Variants in SRR observed in about 807,000 individuals in gnomAD.
SRR encodes the protein D-serine ammonia-lyase.
A neutral mutation model predicts 32.7 loss-of-function variants in SRR; 19 were observed. The observed-to-expected ratio is 0.58, with a 90% CI of 0.40 to 0.85. The LOEUF (loss-of-function observed/expected upper bound fraction) is 0.85. Ranked by LOEUF, SRR falls within the 40% of genes least tolerant of loss-of-function variation. The probability of loss-of-function intolerance (pLI) is 0.00; values close to 1 mark genes in which losing one functional copy is unlikely to be tolerated. For synonymous variants in SRR, 142 were observed against 140.9 expected, an observed-to-expected ratio of 1.01 and a Z score of -0.06; for missense variants, 373 against 404.7, an observed-to-expected ratio of 0.92 and a Z score of 0.67.
intron 3 of SRR, among the ~76,000 whole-genome samples, 193 bp from the exon 4 acceptor site, chr17:2,318,619 ATTTTTTTTTTTTTT>A (rs35847724): frequency 1.1e-5 from 1 of 92,550 alleles, no homozygotes; most frequent in South Asian, 4.1e-4. Flanking sequence ...ATGCCTGGCT[ATTTTTTTTTTTTTT>A]TTTTTTTTTT....
chr17:2,315,046 A>G (rs984036293), intron 1 of SRR, among the ~76,000 whole-genome samples: 15 of 151,836 alleles, frequency 9.9e-5, no homozygotes, highest in Non-Finnish European at 1.5e-5. Context: ...GTTCAAGACC[A>G]GCCTGGACAA....
chr17:2,324,730 A>C lies in SRR; in HGVS notation c.*857A>C. 6.2e-7 allele frequency: 1 copy of C among 1,614,220 alleles called. No individual in the cohort carries two copies. Among genetic ancestry groups the C allele is most frequent in the Non-Finnish European group, 8.5e-7 (1 of 1,180,030 alleles). ...GTAACGTACTACTGCCATCTTAGTA[A>C]AAATTTTGAAAGGATGACCACTCAG... On this transcript the variant is annotated 3_prime_UTR_variant, in exon 8 of 8. Coordinates refer to ENST00000344595, the MANE Select transcript of SRR (RefSeq NM_021947.3).
intron 1 of SRR, among the ~76,000 whole-genome samples, chr17:2,314,038 C>T (rs543994380): frequency 2.6e-5 from 4 of 152,266 alleles, no homozygotes; most frequent in African/African-American, 9.6e-5. Flanking sequence ...CTACAATAGA[C>T]ACAGTGGAAA....
chr17:2,308,046 T>C (rs1017075070), intron 1 of SRR, among the ~76,000 whole-genome samples: 3 of 149,718 alleles, frequency 2.0e-5, no homozygotes, highest in African/African-American at 7.4e-5. Flanking sequence ...TAAATGTCTT[T>C]TTAAAAAAAA....
chr17:2,317,723 A>T lies in SRR; in HGVS notation c.169-147A>T, dbSNP rs1215824790. On this transcript the variant is annotated intron_variant, in intron 2 of 7. Coordinates refer to ENST00000344595, the MANE Select transcript of SRR (RefSeq NM_021947.3). Reference sequence around the variant, plus strand: ...CATCTCAAAAAAATAAAAAATAAAGATGCACATGAGATATTTAAGAGGTAA... The same window carrying T: ...CATCTCAAAAAAATAAAAAATAAAGTTGCACATGAGATATTTAAGAGGTAA... 3.7e-6 allele frequency: 3 copies of T among 811,222 alleles called. No individual in the cohort carries two copies. In the Admixed American group the frequency reaches 8.9e-5, roughly 24 times the overall value. 50.3% of individuals were successfully genotyped at this position (811,222 alleles called of 1,614,324 possible). A position where few individuals can be genotyped will look rare whatever the true frequency, so the allele number is the denominator to read the frequency against.
chr17:2,310,019 C>G (rs989609348), intron 1 of SRR: 3 of 152,190 alleles, frequency 2.0e-5, no homozygotes, highest in Non-Finnish European at 4.4e-5. Context: ...GGGAAGCTGT[C>G]AAATCTCTGG....
intron 1 of SRR, among the ~76,000 whole-genome samples, chr17:2,304,916 A>G (rs1190136655): frequency 6.6e-6 from 1 of 152,140 alleles, no homozygotes; most frequent in Non-Finnish European, 1.5e-5. Context: ...GGAGAACTGT[A>G]CAGAGGTGAA....
intron 2 of SRR, among the ~76,000 whole-genome samples, chr17:2,317,206 GGA>G (rs1491492360): frequency 7.2e-5 from 8 of 111,856 alleles, no homozygotes; most frequent in African/African-American, 2.5e-4. Flanking sequence ...CCATCTCGGG[GGA>G]AAAAAAAAAA....
At chr17:2,311,197 T>C (rs2075431446) in intron 1 of SRR, among the ~76,000 whole-genome samples, 1 of 151,968 alleles carries the variant, frequency 6.6e-6, no homozygotes, top group Non-Finnish European at 1.5e-5. Flanking sequence ...CCAACTATTT[T>C]TTGTTCTCTT....
chr17:2,306,716 CAAAAAT>C, intron 1 of SRR: 2 of 538,392 alleles, frequency 3.7e-6, no homozygotes, highest in Non-Finnish European at 6.6e-6. Context: ...GACTCTGTCT[CAAAAAT>C]AAAACAAAAC....
chr17:2,305,426 A>G (rs2075380507), intron 1 of SRR, among the ~76,000 whole-genome samples: 1 of 152,226 alleles, frequency 6.6e-6, no homozygotes, highest in African/African-American at 2.4e-5. Context: ...ACCAGAACTC[A>G]GAAGGAAAAG....
chr17:2,306,798 G>A, intron 1 of SRR: 1 of 724,152 alleles, frequency 1.4e-6, no homozygotes, highest in Non-Finnish European at 2.5e-6. Context: ...TCGTACAGCT[G>A]AAGAAGCTCT....
intron 1 of SRR, among the ~76,000 whole-genome samples, chr17:2,314,638 A>C (rs1439906085): frequency 2.0e-5 from 3 of 151,032 alleles, no homozygotes; most frequent in African/African-American, 7.3e-5. Context: ...CTGTAATCTC[A>C]GCTACTCGGG....
chr17:2,312,046 C>G (rs114350623), intron 1 of SRR, among the ~76,000 whole-genome samples: 8,559 of 151,492 alleles, frequency 0.056, 534 homozygotes, highest in African/African-American at 0.16. Flanking sequence ...TTCCTCTCTA[C>G]TAAAATAAAA....
upstream of SRR, chr17:2,303,455 C>T (rs1038282100): frequency 3.7e-5 from 49 of 1,314,316 alleles, no homozygotes; most frequent in Middle Eastern, 2.9e-4. Flanking sequence ...CCGAGCCCGA[C>T]CCCGCACTAA....
At chr17:2,303,544 G>A, upstream of SRR, 2 of 1,343,700 alleles carry the variant, frequency 1.5e-6, no homozygotes, top group South Asian at 1.8e-5. Flanking sequence ...GGGCTCCGGA[G>A]CCGAGGGCCG....
At chr17:2,307,749 G>T in intron 1 of SRR, 1 of 891,934 alleles carries the variant, frequency 1.1e-6, no homozygotes, top group South Asian at 1.3e-5. Context: ...TGAGAGGAGA[G>T]CCAGCGAAGT....
chr17:2,318,036 G>A, intron 3 of SRR, 40 bp downstream of exon 3: 1 of 1,534,686 alleles, frequency 6.5e-7, no homozygotes, highest in Non-Finnish European at 8.8e-7. Flanking sequence ...TCTTCAGAAA[G>A]GAGTGGAAAA....
At chr17:2,318,464 CTT>C (rs1170914950) in intron 3 of SRR, among the ~76,000 whole-genome samples, 16 of 126,550 alleles carry the variant, frequency 1.3e-4, no homozygotes, top group Admixed American at 2.4e-4. Flanking sequence ...ATGTTTCTTT[CTT>C]TTTTTTTTTT....
Sources: allele counts gnomAD v4.1 joint callset (sites outside exome capture counted in the v4.1 genomes callset), GRCh38; gene constraint gnomAD v4.1.1; transcripts MANE v1.5; gene names NCBI Gene and HGNC (gene_info 2026-07-23, HGNC 2026-07-21).